Variants in ERP29 observed in about 807,000 individuals in gnomAD.
ERP29 encodes the protein endoplasmic reticulum resident protein 29.
ERP29 carries 14 observed loss-of-function variants against 21.7 expected under a neutral mutation model. The ratio of observed to expected loss-of-function variants is 0.64; its 90% CI spans 0.43 to 1.01. The LOEUF (loss-of-function observed/expected upper bound fraction) is 1.01, where lower values mean the gene tolerates loss of function less well. Ranked by LOEUF, ERP29 falls within the 50% of genes least tolerant of loss-of-function variation. The pLI is 0.00. For missense variants in ERP29, 286 were observed against 327.3 expected (o/e 0.87, Z 0.97); for synonymous variants, 129 against 139.1 (o/e 0.93, Z 0.51).
intron 1 of ERP29, 89 bp downstream of exon 1, chr12:112,013,698 T>C: frequency 8.0e-6 from 11 of 1,367,084 alleles, no homozygotes; most frequent in Non-Finnish European, 1.1e-5. Flanking sequence ...TTCCGGGAGC[T>C]GACGGGAGGT....
Position 112,019,864 on chromosome 12 carries a change from G to A in ERP29, c.253G>A (p.Asp85Asn), listed in dbSNP as rs1308957376. ...TGCTGAAAACTCGGCTTCCAGCGAT[G>A]ATCTCTTGGTGGCAGAGGTGGGGAT... Reference protein sequence around the residue: ...RLAENSASSDDLLVAEVGISD... With the variant: ...RLAENSASSDNLLVAEVGISD... Residue 85 changes from aspartate (D) to asparagine (N), a missense_variant, in exon 2 of 3, where the codon GAT becomes AAT. Transcript: ENST00000261735. 6.2e-7 allele frequency: 1 copy of A among 1,614,016 alleles called. No homozygotes were observed. The highest frequency in any genetic ancestry group is 8.5e-7 in the Non-Finnish European group (1 of 1,180,040).
chr12:112,017,861 C>G (rs143592872), intron 1 of ERP29, among the ~76,000 whole-genome samples: 84 of 149,874 alleles, frequency 5.6e-4, no homozygotes, highest in African/African-American at 2.0e-3. Flanking sequence ...CTCGGCTCAC[C>G]GCAACCTCCG....
Position 112,022,552 on chromosome 12 carries a change from A to G in ERP29, c.686A>G (p.Glu229Gly), listed in dbSNP as rs775580113. 6.2e-7 allele frequency: 1 copy of G among 1,614,094 alleles called. No homozygotes were observed. The highest frequency in any genetic ancestry group is 1.3e-5 in the African/African-American group (1 of 74,940). ...SEMTRIARLI[E>G]KNKMSDGKKE... ...ATGACACGGATCGCCAGGCTGATTG[A>G]GAAGAACAAGATGAGTGACGGGAAG... Residue 229 changes from glutamate to glycine, a missense_variant, in exon 3 of 3, where the codon GAG becomes GGG. Coordinates refer to ENST00000261735, the MANE Select transcript of ERP29 (RefSeq NM_006817.4).
At chr12:112,019,928 A>G in intron 2 of ERP29, 34 bp downstream of exon 2, 1 of 1,612,114 alleles carries the variant, frequency 6.2e-7, no homozygotes, top group South Asian at 1.1e-5. Flanking sequence ...GGGGGGGCAG[A>G]GAGGGAGGAA....
intron 2 of ERP29, among the ~76,000 whole-genome samples, 196 bp from the exon 3 acceptor site, chr12:112,021,954 A>G (rs757866469): frequency 6.6e-6 from 1 of 152,202 alleles, no homozygotes. Flanking sequence ...GAGAGTTTAA[A>G]TGATTTGCCT....
chr12:112,016,280 G>A (rs577470508), intron 1 of ERP29, among the ~76,000 whole-genome samples: 6 of 152,336 alleles, frequency 3.9e-5, no homozygotes, highest in Admixed American at 2.6e-4. Context: ...TGAACCAAAA[G>A]GAAATGTACT....
At chr12:112,013,704 G>C in intron 1 of ERP29, 95 bp downstream of exon 1, 2 of 1,346,792 alleles carry the variant, frequency 1.5e-6, no homozygotes, top group South Asian at 1.5e-5. Context: ...GAGCTGACGG[G>C]AGGTGGTCTG....
At chr12:112,020,143 A>T (rs1357963376) in intron 2 of ERP29, among the ~76,000 whole-genome samples, 1 of 152,090 alleles carries the variant, frequency 6.6e-6, no homozygotes, top group Non-Finnish European at 1.5e-5. Flanking sequence ...CTTCCTTCAC[A>T]TTCCACCCCT....
chr12:112,019,518 G>A, intron 1 of ERP29: 1 of 545,298 alleles, frequency 1.8e-6, no homozygotes, highest in Middle Eastern at 4.8e-4. Flanking sequence ...ATTCTGGACA[G>A]GGTTGTGTAT....
chr12:112,019,785 G>C lies in ERP29; in HGVS notation c.174G>C (p.Val58=), dbSNP rs769640811. 22 of 1,613,982 alleles carry C rather than the reference G, an allele frequency of 1.4e-5. 1 individual carries two copies. Among genetic ancestry groups the C allele is most frequent in the Non-Finnish European group, 1.9e-5 (22 of 1,180,030 alleles). Residue 58 remains valine (V), a synonymous_variant, in exon 2 of 3, where the codon GTG becomes GTC. Coordinates refer to ENST00000261735, the MANE Select transcript of ERP29 (RefSeq NM_006817.4). ...TTCCCAAAAGCAAGTTCGTCTTGGT[G>C]AAGTTCGACACCCAGTACCCCTACG... ...KVIPKSKFVL[V]KFDTQYPYGE...
chr12:112,018,265 C>T (rs1441687802), intron 1 of ERP29, among the ~76,000 whole-genome samples: 2 of 152,096 alleles, frequency 1.3e-5, no homozygotes, highest in African/African-American at 2.4e-5. Context: ...CCACCTCAGC[C>T]TCCTGAGTAG....
At chr12:112,014,738 G>C (rs976584998) in intron 1 of ERP29, 2 of 152,290 alleles carry the variant, frequency 1.3e-5, no homozygotes, top group South Asian at 2.1e-4. Context: ...AGTGTTGCGA[G>C]AGAGCCAGTC....
chr12:112,019,388 G>T (rs1052649455), intron 1 of ERP29: 15 of 290,526 alleles, frequency 5.2e-5, no homozygotes, highest in African/African-American at 1.7e-4. Flanking sequence ...AGGGTTTACT[G>T]CGAAAGGCCT....
Position 112,023,007 on chromosome 12 carries a change from T to C in ERP29, c.*355T>C. The C allele has an allele frequency of 5.1e-6, 1 of 194,782 alleles. No individual in the cohort carries two copies. Among genetic ancestry groups the C allele is most frequent in the Admixed American group, 5.5e-5 (1 of 18,162 alleles). The allele number at this position is 194,782 out of a possible 1,614,324, so 12.1% of individuals were successfully genotyped here. On this transcript the variant is annotated 3_prime_UTR_variant, in exon 3 of 3. Coordinates refer to ENST00000261735, the MANE Select transcript of ERP29 (RefSeq NM_006817.4). ...TTAAGTGGACCTGAAGCCATTCTTT[T>C]TTCTTTTCAAATTATACTTTCGTCT...
chr12:112,022,658 C>G lies in ERP29; in HGVS notation c.*6C>G, dbSNP rs776648912. On this transcript the variant is annotated 3_prime_UTR_variant, in exon 3 of 3. Coordinates refer to ENST00000261735, the MANE Select transcript of ERP29 (RefSeq NM_006817.4). ...CCGAGAAAGAGGAGCTGTAAAAAGG[C>G]TGTCTGTGATTTTCCAGGGTTTGGT... The G allele has an allele frequency of 1.9e-6, 3 of 1,596,584 alleles. No individual in the cohort carries two copies. The South Asian group carries it at 3.4e-5, about 18-fold the overall frequency.
At chr12:112,014,233 G>T (rs1412624611) in intron 1 of ERP29, among the ~76,000 whole-genome samples, 1 of 152,250 alleles carries the variant, frequency 6.6e-6, no homozygotes, top group Non-Finnish European at 1.5e-5. Flanking sequence ...CACAGCAGGA[G>T]GTGAGCGGCA....
At chr12:112,017,567 T>C (rs2136777637) in intron 1 of ERP29, among the ~76,000 whole-genome samples, 1 of 152,320 alleles carries the variant, frequency 6.6e-6, no homozygotes, top group Middle Eastern at 3.4e-3. Flanking sequence ...ATAAGGCCAG[T>C]TGGGCCAGAG....
Position 112,022,222 on chromosome 12 carries a change from A to G in ERP29, c.356A>G (p.Tyr119Cys), listed in dbSNP as rs1045932440. Residue 119 changes from tyrosine (Y) to cysteine (C), a missense_variant, in exon 3 of 3, where the codon TAC (tyrosine) becomes TGC (cysteine). Physicochemically the swap from Tyr to Cys is radical, Grantham distance 194 (BLOSUM62 -2). Transcript: ENST00000261735. ...KLDKESYPVFYLFRDGDFENP... is the reference protein window; with the variant it reads ...KLDKESYPVFCLFRDGDFENP... Reference sequence around the variant, plus strand: ...GACAAAGAGAGCTACCCAGTCTTCTACCTCTTCCGGGATGGGGACTTTGAG... The same window carrying G: ...GACAAAGAGAGCTACCCAGTCTTCTGCCTCTTCCGGGATGGGGACTTTGAG... The G allele has an allele frequency of 2.5e-6, 4 of 1,613,972 alleles. No homozygotes were observed. The African/African-American group carries it at 4.0e-5, about 16-fold the overall frequency.
chr12:112,016,602 G>C (rs1275208871), intron 1 of ERP29, among the ~76,000 whole-genome samples: 8 of 152,184 alleles, frequency 5.3e-5, no homozygotes. Flanking sequence ...AAGTAGATGA[G>C]GAAAATAGAC....
Sources: gnomAD v4.1 joint callset for allele counts (sites outside exome capture counted in the v4.1 genomes callset) on GRCh38, gnomAD v4.1.1 for gene constraint, MANE v1.5 for transcripts, NCBI Gene and HGNC (gene_info 2026-07-23, HGNC 2026-07-21) for gene names.